MYO9A: variants seen among roughly 807,000 people sequenced by gnomAD.
MYO9A encodes unconventional myosin-IXa.
A neutral mutation model predicts 293.3 loss-of-function variants in MYO9A; 103 were observed. The observed-to-expected ratio is 0.35, with a 90% CI of 0.30 to 0.41. The LOEUF (loss-of-function observed/expected upper bound fraction) is 0.41, where lower values mean the gene tolerates loss of function less well. Among genes scored for constraint, MYO9A ranks in the 10% least tolerant of loss-of-function variants. MYO9A has a pLI of 1.00. For missense variants in MYO9A, 2,685 were observed against 3,033.0 expected, an observed-to-expected ratio of 0.89 and a Z score of 2.69; for synonymous variants, 1,001 against 1,035.7, an observed-to-expected ratio of 0.97 and a Z score of 0.64.
At chr15:72,072,965 C>T (rs149189794) in intron 1 of MYO9A, among the ~76,000 whole-genome samples, 2 of 152,278 alleles carry the variant, frequency 1.3e-5, no homozygotes, top group East Asian at 3.9e-4. Flanking sequence ...TAGCACTGTT[C>T]ACAAGTCATG....
chr15:71,883,239 T>A (rs897389064), intron 28 of MYO9A, among the ~76,000 whole-genome samples: 1 of 152,202 alleles, frequency 6.6e-6, no homozygotes, highest in African/African-American at 2.4e-5. Flanking sequence ...GCCTTGCATG[T>A]AGTAAGCATT....
intron 14 of MYO9A, chr15:71,958,436 G>A (rs1193360035): frequency 6.6e-6 from 1 of 152,124 alleles, no homozygotes; most frequent in Non-Finnish European, 1.5e-5. Flanking sequence ...CTGATATATT[G>A]TAATATAAAC....
intron 28 of MYO9A, among the ~76,000 whole-genome samples, chr15:71,881,978 A>C (rs1370330365): frequency 6.6e-6 from 1 of 152,156 alleles, no homozygotes; most frequent in Non-Finnish European, 1.5e-5. Flanking sequence ...ATTCACATCC[A>C]TTTCTCAACT....
At chr15:71,830,844 A>C (rs1436708180) in intron 39 of MYO9A, among the ~76,000 whole-genome samples, 1 of 152,212 alleles carries the variant, frequency 6.6e-6, no homozygotes, top group Non-Finnish European at 1.5e-5. Flanking sequence ...AGTATGTTCT[A>C]AAACTCAGTT....
At chr15:71,991,815 G>A (rs907334616) in intron 10 of MYO9A, among the ~76,000 whole-genome samples, 5 of 152,166 alleles carry the variant, frequency 3.3e-5, no homozygotes, top group Non-Finnish European at 2.9e-5. Context: ...GTACAGTGAC[G>A]TGATCTCAGT....
At chr15:72,087,988 T>C (rs1295457781) in intron 1 of MYO9A, among the ~76,000 whole-genome samples, 4 of 152,052 alleles carry the variant, frequency 2.6e-5, no homozygotes, top group African/African-American at 9.7e-5. Context: ...CCTACTTCAA[T>C]AGGATGGGTG....
intron 10 of MYO9A, 34 bp downstream of exon 10, chr15:71,994,435 G>C: frequency 7.5e-7 from 1 of 1,334,396 alleles, no homozygotes; most frequent in Non-Finnish European, 1.0e-6. Context: ...ATAGCTTTCA[G>C]GGAAAAACAT....
intron 36 of MYO9A, 48 bp downstream of exon 36, chr15:71,852,083 TC>T (rs1389140221): frequency 6.5e-7 from 1 of 1,542,548 alleles, no homozygotes; most frequent in South Asian, 1.2e-5. Flanking sequence ...AGATGGCATT[TC>T]TTTCCCAACT....
intron 11 of MYO9A, among the ~76,000 whole-genome samples, chr15:71,980,846 AAAAC>A (rs376693623): frequency 3.3e-5 from 5 of 152,230 alleles, no homozygotes; most frequent in African/African-American, 1.2e-4. Context: ...TTAAAAACAA[AAAAC>A]AAACAAACAA....
chr15:71,854,695 G>C (rs369390837), intron 34 of MYO9A, 126 bp from the exon 35 acceptor site: 3 of 639,418 alleles, frequency 4.7e-6, no homozygotes, highest in African/African-American at 1.9e-5. Flanking sequence ...AGAAGAGTTG[G>C]GAGAAAGGGA....
Position 71,938,744 on chromosome 15 carries a change from AC to A in MYO9A, c.2378+107del, listed in dbSNP as rs1596241663. ...TATAAAGGATTCAAGAAATAAAAAA[AC>A]AAAACAAGCCTGAATTACTTCAAAC... On this transcript the variant is annotated intron_variant, in intron 16 of 41. Coordinates refer to ENST00000356056, the MANE Select transcript of MYO9A (RefSeq NM_006901.4). 6.4e-6 allele frequency: 6 copies of A among 941,470 alleles called. No individual in the cohort carries two copies. The East Asian group carries it at 8.1e-5, about 13-fold the overall frequency. 58.3% of individuals were successfully genotyped at this position (941,470 alleles called of 1,614,324 possible). A position where few individuals can be genotyped will look rare whatever the true frequency, so the allele number is the denominator to read the frequency against.
intron 39 of MYO9A, chr15:71,847,431 G>A: frequency 2.2e-6 from 1 of 455,274 alleles, no homozygotes; most frequent in South Asian, 1.6e-5. Flanking sequence ...TGAATTGCGG[G>A]TAATGTTCAT....
chr15:71,833,143 A>T (rs2054796666), intron 39 of MYO9A, among the ~76,000 whole-genome samples: 1 of 152,054 alleles, frequency 6.6e-6, no homozygotes, highest in Non-Finnish European at 1.5e-5. Context: ...AAGCCCAAAT[A>T]TATTGGTGAG....
intron 1 of MYO9A, among the ~76,000 whole-genome samples, chr15:72,064,325 T>C (rs1390532566): frequency 6.6e-6 from 1 of 152,218 alleles, no homozygotes; most frequent in Non-Finnish European, 1.5e-5. Flanking sequence ...AATTGGAATG[T>C]TTGTAACACA....
intron 18 of MYO9A, among the ~76,000 whole-genome samples, chr15:71,919,437 T>G (rs2058097058): frequency 6.7e-6 from 1 of 148,526 alleles, no homozygotes; most frequent in African/African-American, 2.5e-5. Context: ...AGCGAGACAC[T>G]GACTCAAAAA....
chr15:71,964,765 G>A (rs1462083152), intron 13 of MYO9A, among the ~76,000 whole-genome samples: 1 of 151,792 alleles, frequency 6.6e-6, no homozygotes, highest in African/African-American at 2.4e-5. Flanking sequence ...CCAGCCGGGT[G>A]ACAGAGTGAG....
chr15:72,077,744 A>ATAT (rs1567015428), intron 1 of MYO9A, among the ~76,000 whole-genome samples: 4 of 41,322 alleles, frequency 9.7e-5, no homozygotes, highest in East Asian at 3.0e-4. Context: ...AAAAAAAAAA[A>ATAT]AAAAAAAAAT....
intron 12 of MYO9A, among the ~76,000 whole-genome samples, chr15:71,968,882 C>G (rs1366286527): frequency 6.6e-6 from 1 of 152,040 alleles, no homozygotes; most frequent in Non-Finnish European, 1.5e-5. Context: ...TTAATGGTAG[C>G]TGAAATAATG....
chr15:71,904,391 G>A (rs751907702), intron 20 of MYO9A, among the ~76,000 whole-genome samples: 3 of 152,158 alleles, frequency 2.0e-5, no homozygotes, highest in Non-Finnish European at 4.4e-5. Context: ...AGTGGCTCAC[G>A]CCTATAATCC....
Sources: allele counts gnomAD v4.1 joint callset (sites outside exome capture counted in the v4.1 genomes callset), GRCh38; gene constraint gnomAD v4.1.1; transcripts MANE v1.5; gene names NCBI Gene and HGNC (gene_info 2026-07-23, HGNC 2026-07-21).